The following PPM1D variants were observed in gnomAD, a reference collection of about 807,000 sequenced individuals.
PPM1D encodes the protein protein phosphatase, Mg2+/Mn2+ dependent 1D.
A neutral mutation model predicts 58.3 loss-of-function variants in PPM1D; 52 were observed. The observed-to-expected ratio is 0.89, with a 90% CI of 0.71 to 1.12. The LOEUF (loss-of-function observed/expected upper bound fraction) is 1.12. Ranked by LOEUF, PPM1D falls within the 50% of genes most tolerant of loss-of-function variation. The probability of loss-of-function intolerance (pLI) is 0.00; values close to 1 mark genes in which losing one functional copy is unlikely to be tolerated. For synonymous variants in PPM1D, 278 were observed against 285.1 expected, an observed-to-expected ratio of 0.98 and a Z score of 0.25; for missense variants, 564 against 777.2, an observed-to-expected ratio of 0.73 and a Z score of 3.26.
chr17:60,610,993 C>T (rs1321691773), intron 1 of PPM1D, among the ~76,000 whole-genome samples: 2 of 152,202 alleles, frequency 1.3e-5, no homozygotes, highest in Non-Finnish European at 2.9e-5. Flanking sequence ...ATTCTCATTT[C>T]CCTGATTCCT....
chr17:60,613,373 T>C (rs2030500663), intron 1 of PPM1D, among the ~76,000 whole-genome samples: 1 of 152,282 alleles, frequency 6.6e-6, no homozygotes, highest in African/African-American at 2.4e-5. Flanking sequence ...GTAAGAACTC[T>C]TAAGTGATTG....
At chr17:60,659,977 C>G (rs948418306) in intron 5 of PPM1D, among the ~76,000 whole-genome samples, 2 of 151,884 alleles carry the variant, frequency 1.3e-5, no homozygotes, top group African/African-American at 4.8e-5. Flanking sequence ...TTTGGGAGGC[C>G]GAGGCGGGTG....
At chr17:60,619,340 G>A (rs1011877082) in intron 1 of PPM1D, among the ~76,000 whole-genome samples, 2 of 152,114 alleles carry the variant, frequency 1.3e-5, no homozygotes, top group Non-Finnish European at 2.9e-5. Context: ...ATTCTGCAGG[G>A]AGTGTTGAGG....
At chr17:60,621,563 ATTTTTTTT>A (rs775950363) in intron 1 of PPM1D, among the ~76,000 whole-genome samples, 3 of 96,132 alleles carry the variant, frequency 3.1e-5, no homozygotes, top group African/African-American at 7.6e-5. Flanking sequence ...TATTTTTTGT[ATTTTTTTT>A]TTTTTTTTTT....
At chr17:60,638,152 C>T (rs2031061271) in intron 3 of PPM1D, among the ~76,000 whole-genome samples, 1 of 152,140 alleles carries the variant, frequency 6.6e-6, no homozygotes, top group South Asian at 2.1e-4. Flanking sequence ...TTTACTTCAA[C>T]ATAATTTTGT....
In PPM1D at chr17:60,663,597, G is replaced by A. The variant is rs909973681; in HGVS notation, c.*45G>A. 1 of 1,547,270 alleles carries A rather than the reference G, an allele frequency of 6.5e-7. No homozygotes were observed. Among genetic ancestry groups the A allele is most frequent in the African/African-American group, 1.4e-5 (1 of 72,368 alleles). ...GTTTTTCCAAACTTAGGATATAAGA[G>A]GGCTTTTTAAATTTGGTGCCGATGT... On this transcript the variant is annotated 3_prime_UTR_variant, in exon 6 of 6. Transcript: ENST00000305921.
In PPM1D at chr17:60,600,554, AGCCGTTGCCTCCGCGGCCGTC is replaced by A. The variant is rs1431633992; in HGVS notation, c.145_165del (p.Leu49_Pro55del). 5 of 1,553,250 alleles carry A rather than the reference AGCCGTTGCCTCCGCGGCCGTC, an allele frequency of 3.2e-6. No homozygotes were observed. Among genetic ancestry groups the A allele is most frequent in the Non-Finnish European group, 3.5e-6 (4 of 1,148,854 alleles). On this transcript the variant is annotated inframe_deletion, in exon 1 of 6. Transcript: ENST00000305921. ...CCCTCGCCGCGGCGGTCGCTGTCTC[AGCCGTTGCCTCCGCGGCCGTC>A]GCCGGCCGCCCTTCCCGGCGGCGAA... is the stretch of plus-strand genomic sequence containing the variant.
intron 5 of PPM1D, among the ~76,000 whole-genome samples, chr17:60,659,864 C>T (rs1299281069): frequency 6.6e-6 from 1 of 152,196 alleles, no homozygotes; most frequent in Non-Finnish European, 1.5e-5. Context: ...CAGAAATGTT[C>T]AAGAAGAAAG....
At chr17:60,661,934 C>A (rs1363993365) in intron 5 of PPM1D, among the ~76,000 whole-genome samples, 2 of 152,166 alleles carry the variant, frequency 1.3e-5, no homozygotes, top group Non-Finnish European at 2.9e-5. Context: ...ATGCTACCAT[C>A]CCCTCCAGTG....
At chr17:60,654,431 G>A (rs2031397480) in intron 4 of PPM1D, among the ~76,000 whole-genome samples, 2 of 138,304 alleles carry the variant, frequency 1.4e-5, no homozygotes, top group Non-Finnish European at 3.2e-5. Flanking sequence ...TTGAGCCCAG[G>A]AGGTGGAGAC....
At chr17:60,636,859 G>T (rs1321552776) in intron 3 of PPM1D, among the ~76,000 whole-genome samples, 1 of 151,754 alleles carries the variant, frequency 6.6e-6, no homozygotes, top group Non-Finnish European at 1.5e-5. Context: ...AAAATTTTTT[G>T]TAGAGACGTC....
At chr17:60,650,412 G>A (rs554284264) in intron 4 of PPM1D, among the ~76,000 whole-genome samples, 38 of 152,246 alleles carry the variant, frequency 2.5e-4, no homozygotes, top group African/African-American at 7.9e-4. Flanking sequence ...TCAGCCAGAC[G>A]TGGTGACTCG....
Position 60,600,720 on chromosome 17 carries a change from C to A in PPM1D, c.306C>A (p.Ala102=), listed in dbSNP as rs1287855434. 6.2e-7 allele frequency: 1 copy of A among 1,608,448 alleles called. No individual in the cohort carries two copies. Among genetic ancestry groups the A allele is most frequent in the African/African-American group, 1.3e-5 (1 of 74,392 alleles). The change falls in exon 1 of 6, where the codon GCC becomes GCA. Residue 102 remains alanine, a synonymous_variant. Coordinates refer to ENST00000305921, the MANE Select transcript of PPM1D (RefSeq NM_003620.4). The part of the protein sequence containing the change: ...CRRRSSVAFF[A]VCDGHGGREA... ...GCCGTTCCTCCGTGGCCTTTTTCGC[C>A]GTGTGCGACGGGCACGGCGGGCGGG...
chr17:60,613,163 A>G (rs892952368), intron 1 of PPM1D, among the ~76,000 whole-genome samples: 4 of 152,180 alleles, frequency 2.6e-5, no homozygotes, highest in Non-Finnish European at 4.4e-5. Flanking sequence ...TTACTGCTTA[A>G]ATAAACCCTT....
At chr17:60,655,584 C>G (rs539250552) in intron 4 of PPM1D, among the ~76,000 whole-genome samples, 3 of 152,146 alleles carry the variant, frequency 2.0e-5, no homozygotes, top group African/African-American at 4.8e-5. Flanking sequence ...CCTGACCTTG[C>G]AGTCCACCTG....
At chr17:60,654,410 G>A (rs1356168770) in intron 4 of PPM1D, among the ~76,000 whole-genome samples, 1 of 137,378 alleles carries the variant, frequency 7.3e-6, no homozygotes. Context: ...CAGCTGAGGT[G>A]GGAGGATCAC....
chr17:60,605,277 G>A lies in PPM1D; in HGVS notation c.472+4391G>A, dbSNP rs150883851. On this transcript the variant is annotated intron_variant, in intron 1 of 5. Transcript: ENST00000305921. ...CCATCAGTACAAATGTCAGCACAGT[G>A]AAAAGGGCAAATAAACTCTTAGAAT... Among the ~76,000 whole-genome samples, 16 of 152,314 alleles carry A rather than the reference G, an allele frequency of 1.1e-4. No homozygotes were observed. In the East Asian group the frequency reaches 2.9e-3, roughly 28 times the overall value.
Position 60,612,690 on chromosome 17 carries a change from G to T in PPM1D, c.473-10831G>T, listed in dbSNP as rs1195962490. On this transcript the variant is annotated intron_variant, in intron 1 of 5. Coordinates refer to ENST00000305921, the MANE Select transcript of PPM1D (RefSeq NM_003620.4). Reference sequence around the variant, plus strand: ...AAACCCGGATACTTTTAGGAATCTAGGTAGCAGTTTCATCAGGGTCTTGCT... The same window carrying T: ...AAACCCGGATACTTTTAGGAATCTATGTAGCAGTTTCATCAGGGTCTTGCT... Among the ~76,000 whole-genome samples the T allele has an allele frequency of 2.0e-5, 3 of 152,002 alleles. No homozygotes were observed. The East Asian group carries it at 5.8e-4, about 29-fold the overall frequency.
At chr17:60,604,068 C>T (rs1482316773) in intron 1 of PPM1D, among the ~76,000 whole-genome samples, 2 of 152,264 alleles carry the variant, frequency 1.3e-5, no homozygotes, top group African/African-American at 4.8e-5. Flanking sequence ...GTACTTTGAA[C>T]GAATCTCATC....
Sources: gnomAD v4.1 joint callset for allele counts (sites outside exome capture counted in the v4.1 genomes callset) on GRCh38, gnomAD v4.1.1 for gene constraint, MANE v1.5 for transcripts, NCBI Gene and HGNC (gene_info 2026-07-23, HGNC 2026-07-21) for gene names.